The following KAT6A variants were observed in gnomAD, a reference collection of about 807,000 sequenced individuals.
The protein encoded by KAT6A is lysine acetyltransferase 6A.
Under a neutral mutation model 198.4 loss-of-function variants are expected in KAT6A, and 9 were observed. The ratio of observed to expected loss-of-function variants is 0.05; its 90% CI spans 0.03 to 0.08. KAT6A has a LOEUF of 0.08. Ranked by LOEUF, KAT6A falls within the 10% of genes least tolerant of loss-of-function variation. The pLI, the probability that KAT6A is intolerant of heterozygous loss-of-function variation, is 1.00. For synonymous variants in KAT6A, 890 were observed against 883.0 expected (o/e 1.01, Z -0.14); for missense variants, 2,077 against 2,509.9 (o/e 0.83, Z 3.69).
chr8:42,036,163 A>T (rs528038467), intron 2 of KAT6A, among the ~76,000 whole-genome samples: 33 of 152,200 alleles, frequency 2.2e-4, no homozygotes, highest in African/African-American at 7.7e-4. Context: ...ATCTACTGAA[A>T]ATGAGAAAAA....
At position 41,937,651 on chromosome 8, in the gene KAT6A, T is replaced by C. The variant is rs140066687; in HGVS notation, c.3040-83A>G. On this transcript the variant is annotated intron_variant, in intron 15 of 16. Coordinates refer to ENST00000265713, the MANE Select transcript of KAT6A (RefSeq NM_006766.5). Reference sequence around the variant, plus strand: ...ATACGAAAACAGTTTTAAAACCAAATAGAATTAGCACATATAAAATGAGGA... The same window carrying C: ...ATACGAAAACAGTTTTAAAACCAAACAGAATTAGCACATATAAAATGAGGA... 1.5e-3 allele frequency: 1,638 copies of C among 1,071,626 alleles called. 25 individuals are homozygous for C. In the African/African-American group the frequency reaches 0.022, roughly 14 times the overall value. 66.4% of individuals were successfully genotyped at this position (1,071,626 alleles called of 1,614,324 possible).
In KAT6A at chr8:41,942,855, C is replaced by G. The variant is rs1264085303; in HGVS notation, c.2374G>C (p.Glu792Gln). 3 of 1,614,184 alleles carry G rather than the reference C, an allele frequency of 1.9e-6. No homozygotes were observed. The highest frequency in any genetic ancestry group is 2.5e-6 in the Non-Finnish European group (3 of 1,180,026). Residue 792 changes from glutamate to glutamine, a missense_variant, in exon 14 of 17, where the codon GAG (glutamate) becomes CAG (glutamine). Glu to Gln is a conservative substitution (Grantham distance 29). Transcript: ENST00000265713. ...SNSVVSEEEE[E>Q]EAEEGENEEP... is the part of the protein sequence containing the mutation. The stretch of plus-strand genomic sequence containing the variant: ...TCGTTTTCTCCTTCCTCAGCCTCCT[C>G]TTCTTCCTCCTCTGAGACCACAGAG...
At chr8:41,991,202 C>T (rs938733944) in intron 2 of KAT6A, among the ~76,000 whole-genome samples, 1 of 152,114 alleles carries the variant, frequency 6.6e-6, no homozygotes, top group Non-Finnish European at 1.5e-5. Flanking sequence ...ATGTTCAGAG[C>T]AGCATTATTC....
intron 2 of KAT6A, among the ~76,000 whole-genome samples, chr8:42,014,044 C>T (rs1329926761): frequency 6.6e-6 from 1 of 152,004 alleles, no homozygotes; most frequent in Non-Finnish European, 1.5e-5. Flanking sequence ...TACTTATGGA[C>T]ACTGAAATCT....
chr8:41,950,625 C>G (rs377225388), intron 9 of KAT6A, among the ~76,000 whole-genome samples: 1 of 151,946 alleles, frequency 6.6e-6, no homozygotes, highest in East Asian at 1.9e-4. Flanking sequence ...ATCAGAGAAA[C>G]CTAAAAAATT....
chr8:41,935,044 T>C (rs1342664762), intron 16 of KAT6A, among the ~76,000 whole-genome samples, 177 bp from the exon 17 acceptor site: 1 of 152,248 alleles, frequency 6.6e-6, no homozygotes, highest in Admixed American at 6.5e-5. Flanking sequence ...TAGTGACATA[T>C]TCTAAGTCAC....
chr8:42,015,974 T>C (rs902662251), intron 2 of KAT6A, among the ~76,000 whole-genome samples: 2 of 152,152 alleles, frequency 1.3e-5, no homozygotes, highest in Non-Finnish European at 2.9e-5. Flanking sequence ...TTAATGCAAA[T>C]GCAGATGAGG....
chr8:41,950,414 G>A (rs540845321), intron 9 of KAT6A, among the ~76,000 whole-genome samples: 2 of 152,268 alleles, frequency 1.3e-5, no homozygotes, highest in South Asian at 4.1e-4. Context: ...TTCTTCAAAG[G>A]AAGAGGAAGA....
At position 41,937,278 on chromosome 8, in the gene KAT6A, A is replaced by T. The variant is rs752259628; in HGVS notation, c.3330T>A (p.Asp1110Glu). The change falls in exon 16 of 17, where the codon GAT (aspartate) becomes GAA (glutamate). Residue 1110 changes from aspartate (D) to glutamate (E), a missense_variant. Coordinates refer to ENST00000265713, the MANE Select transcript of KAT6A (RefSeq NM_006766.5). ...SKRKSKDEEE[D>E]EESDDADDTP... ...TACCATCAGCATCATCTGACTCTTC[A>T]TCTTCTTCTTCATCTTTAGACTTCC... 6.2e-7 allele frequency: 1 copy of T among 1,613,598 alleles called. No individual in the cohort carries two copies. The highest frequency in any genetic ancestry group is 8.5e-7 in the Non-Finnish European group (1 of 1,179,670).
chr8:42,030,511 C>T (rs1022715869), intron 2 of KAT6A, among the ~76,000 whole-genome samples: 1 of 152,012 alleles, frequency 6.6e-6, no homozygotes, highest in Non-Finnish European at 1.5e-5. Flanking sequence ...CTCTAGTCAC[C>T]CATCTTTAAG....
chr8:41,994,655 C>T (rs1015401182), intron 2 of KAT6A, among the ~76,000 whole-genome samples: 1 of 152,100 alleles, frequency 6.6e-6, no homozygotes, highest in African/African-American at 2.4e-5. Context: ...ACCCTTTTCA[C>T]TAATTAACAT....
chr8:42,043,393 T>C (rs1227810350), intron 2 of KAT6A: 1 of 152,226 alleles, frequency 6.6e-6, no homozygotes, highest in Non-Finnish European at 1.5e-5. Flanking sequence ...GCAATACAAC[T>C]GATCCCTACC....
chr8:42,051,683 G>A (rs1431546407), intron 1 of KAT6A, among the ~76,000 whole-genome samples: 2 of 145,482 alleles, frequency 1.4e-5, no homozygotes, highest in Non-Finnish European at 3.1e-5. Flanking sequence ...GCCGGGCGCC[G>A]AACAAGCGAG....
intron 7 of KAT6A, among the ~76,000 whole-genome samples, chr8:41,975,491 T>A (rs1450413998): frequency 6.6e-6 from 1 of 152,202 alleles, no homozygotes; most frequent in African/African-American, 2.4e-5. Context: ...TCTTTATAAG[T>A]ATGGCTGAAA....
chr8:42,031,038 A>AAGGGGGG (rs35595569), intron 2 of KAT6A, among the ~76,000 whole-genome samples: 1 of 113,376 alleles, frequency 8.8e-6, no homozygotes, highest in African/African-American at 3.6e-5. Context: ...AAAAAAAAAA[A>AAGGGGGG]GGGGGGGGGG....
At chr8:42,008,743 T>C (rs1402695669) in intron 2 of KAT6A, among the ~76,000 whole-genome samples, 5 of 152,144 alleles carry the variant, frequency 3.3e-5, no homozygotes, top group African/African-American at 4.8e-5. Context: ...TGTCCAATAC[T>C]GTAACCACTA....
At chr8:41,957,326 T>C (rs1308209175) in intron 8 of KAT6A, 3 of 553,938 alleles carry the variant, frequency 5.4e-6, no homozygotes, top group Admixed American at 1.9e-5. Context: ...AGCAAGGGTG[T>C]TTCCTTTTAC....
Position 41,955,368 on chromosome 8 carries a change from G to T in KAT6A, c.1526C>A (p.Pro509His). 1 of 1,612,872 alleles carries T rather than the reference G, an allele frequency of 6.2e-7. No individual in the cohort carries two copies. Among genetic ancestry groups the T allele is most frequent in the Non-Finnish European group, 8.5e-7 (1 of 1,179,376 alleles). ...TGPPDPQVRC[P>H]SVIEFGKYEI... The stretch of plus-strand genomic sequence containing the variant: ...ATACTTCCCAAACTCAATGACAGAG[G>T]GACAGCGGACTTGTGGATCAGGGGG... The change falls in exon 9 of 17, where the codon CCC becomes CAC. Residue 509 changes from proline (P) to histidine (H), a missense_variant. Coordinates refer to ENST00000265713, the MANE Select transcript of KAT6A (RefSeq NM_006766.5).
intron 5 of KAT6A, 29 bp from the exon 6 acceptor site, chr8:41,978,806 G>T: frequency 6.2e-7 from 1 of 1,603,606 alleles, no homozygotes; most frequent in Non-Finnish European, 8.5e-7. Context: ...CCACATAGAA[G>T]TGTGACAGAC....
Sources: gnomAD v4.1 joint callset for allele counts (sites outside exome capture counted in the v4.1 genomes callset) on GRCh38, gnomAD v4.1.1 for gene constraint, MANE v1.5 for transcripts, NCBI Gene and HGNC (gene_info 2026-07-23, HGNC 2026-07-21) for gene names.